ESYT3: variants seen among roughly 807,000 people sequenced by gnomAD.
ESYT3 encodes the protein extended synaptotagmin-3.
A neutral mutation model predicts 111.5 loss-of-function variants in ESYT3; 101 were observed. That is an observed-to-expected ratio of 0.91 (90% CI 0.77 to 1.07). The LOEUF is 1.07. ESYT3 is among the 50% of genes least tolerant of loss of function. The probability of loss-of-function intolerance (pLI) is 0.00; values close to 1 mark genes in which losing one functional copy is unlikely to be tolerated. For missense variants in ESYT3, 1,097 were observed against 1,109.4 expected, an observed-to-expected ratio of 0.99 and a Z score of 0.16; for synonymous variants, 416 against 446.8, an observed-to-expected ratio of 0.93 and a Z score of 0.87.
chr3:138,474,519 G>A, intron 20 of ESYT3, 167 bp downstream of exon 20: 2 of 693,138 alleles, frequency 2.9e-6, no homozygotes, highest in South Asian at 3.6e-5. Flanking sequence ...GGAAAATGGA[G>A]TGCCAGAGAA....
rs2033385719 is a variant in ESYT3, at chr3:138,474,329, C to G, written c.2445C>G (p.Thr815=). The G allele has an allele frequency of 2.5e-6, 4 of 1,598,650 alleles. No homozygotes were observed. Among genetic ancestry groups the G allele is most frequent in the Non-Finnish European group, 3.4e-6 (4 of 1,176,144 alleles). ...CRKKTSVKRK[T]LEPLFDETFE... is the part of the protein sequence containing the mutation. Reference sequence around the variant, plus strand: ...AGAAGACTTCAGTGAAGCGGAAGACCTTGGAACCCCTGTTTGATGAGACGT... The same window carrying G: ...AGAAGACTTCAGTGAAGCGGAAGACGTTGGAACCCCTGTTTGATGAGACGT... Residue 815 remains threonine, a synonymous_variant, in exon 20 of 23, where the codon ACC becomes ACG. Coordinates refer to ENST00000389567, the MANE Select transcript of ESYT3 (RefSeq NM_031913.5).
chr3:138,461,739 C>T (rs1276044380), intron 7 of ESYT3, among the ~76,000 whole-genome samples: 6 of 152,190 alleles, frequency 3.9e-5, no homozygotes, highest in Admixed American at 6.5e-5. Flanking sequence ...GAGAGGTTAG[C>T]GACTTGCCAA....
chr3:138,460,797 T>C, intron 7 of ESYT3, 131 bp downstream of exon 7: 1 of 1,058,716 alleles, frequency 9.4e-7, no homozygotes, highest in Non-Finnish European at 1.4e-6. Flanking sequence ...GAAGCATTGG[T>C]CTGTTTGGAG....
At chr3:138,467,222 G>A (rs1010438039) in intron 10 of ESYT3, among the ~76,000 whole-genome samples, 2 of 152,082 alleles carry the variant, frequency 1.3e-5, no homozygotes, top group Admixed American at 6.5e-5. Context: ...GCAATGCATG[G>A]GTAGTTTTGC....
rs1366530130 is a variant in ESYT3 at position 138,470,068 on chromosome 3, C to T, written c.1512C>T (p.Pro504=). 2 of 1,612,648 alleles carry T rather than the reference C, an allele frequency of 1.2e-6. No homozygotes were observed. Among genetic ancestry groups the T allele is most frequent in the South Asian group, 2.2e-5 (2 of 90,984 alleles). ...CCCTCTTCTGTTCCCAGACCTGTCC[C>T]CACAACAAGGACCCTGTGTGGAGCC... ...GKKTHTSKTC[P]HNKDPVWSQV... is the part of the protein sequence containing the mutation. The change falls in exon 16 of 23, where the codon CCC becomes CCT. Residue 504 remains proline (P), a synonymous_variant. Transcript: ENST00000389567.
At chr3:138,472,974 T>G (rs2033308728) in intron 18 of ESYT3, 115 bp downstream of exon 18, 1 of 1,516,122 alleles carries the variant, frequency 6.6e-7, no homozygotes, top group Non-Finnish European at 8.8e-7. Flanking sequence ...TCACAAAATA[T>G]CTTCCTAAGA....
intron 1 of ESYT3, among the ~76,000 whole-genome samples, chr3:138,449,841 C>CTTCA (rs978955591): frequency 4.9e-4 from 75 of 152,326 alleles, no homozygotes; most frequent in African/African-American, 1.8e-3. Flanking sequence ...AAGGGCCATG[C>CTTCA]TTCATTCATT....
At chr3:138,449,117 C>T (rs1359316486) in intron 1 of ESYT3, among the ~76,000 whole-genome samples, 2 of 131,396 alleles carry the variant, frequency 1.5e-5, no homozygotes, top group African/African-American at 3.1e-5. Flanking sequence ...TGGAGTCTTG[C>T]TCTGTGGCCC....
In ESYT3 at chr3:138,464,509, G is replaced by GT. The variant is rs1560234849; in HGVS notation, c.1083dup (p.Glu362Ter). The GT allele has an allele frequency of 6.2e-7, 1 of 1,614,022 alleles. No individual in the cohort carries two copies. The highest frequency in any genetic ancestry group is 1.1e-5 in the South Asian group (1 of 91,072). ...ACCTGAACCCCACCTGGAACGAAGTGTTTGAGGTAAGGGTCTCCTTGGCTG... is the reference window on the plus strand; with the variant it reads ...ACCTGAACCCCACCTGGAACGAAGTGTTTTGAGGTAAGGGTCTCCTTGGCTG... On this transcript the variant is annotated frameshift_variant, in exon 9 of 23. Coordinates refer to ENST00000389567, the MANE Select transcript of ESYT3 (RefSeq NM_031913.5). LOFTEE classifies it high-confidence loss of function.
intron 8 of ESYT3, among the ~76,000 whole-genome samples, chr3:138,463,120 A>C (rs1210133049): frequency 6.6e-6 from 1 of 151,082 alleles, no homozygotes; most frequent in East Asian, 2.0e-4. Flanking sequence ...GGTGGCGGGG[A>C]GTCTTGCTCT....
At chr3:138,456,710 A>C (rs1408714899) in intron 3 of ESYT3, among the ~76,000 whole-genome samples, 2 of 152,180 alleles carry the variant, frequency 1.3e-5, no homozygotes, top group Non-Finnish European at 2.9e-5. Flanking sequence ...CTAATGCCTG[A>C]TGATCTGAGG....
chr3:138,465,610 A>C (rs1385072715), intron 10 of ESYT3, among the ~76,000 whole-genome samples, 189 bp downstream of exon 10: 1 of 152,170 alleles, frequency 6.6e-6, no homozygotes, highest in African/African-American at 2.4e-5. Context: ...ATGTCTCCCA[A>C]GTGCCCAGCC....
In ESYT3 at chr3:138,435,499, G is replaced by T. The variant is rs114418377; in HGVS notation, c.327+374G>T. ...AAGGCATTTCTTCCACCCGCCTGTT[G>T]ATTCAGAGAACGAACGCCGGACGCA... On this transcript the variant is annotated intron_variant, in intron 1 of 22. Coordinates refer to ENST00000389567, the MANE Select transcript of ESYT3 (RefSeq NM_031913.5). The surrounding 1 kb of genome is among the most constrained non-coding windows in gnomAD (Gnocchi z 4.8). Among the ~76,000 whole-genome samples the T allele has an allele frequency of 8.2e-4, 125 of 152,340 alleles. No individual in the cohort carries two copies. Among genetic ancestry groups the T allele is most frequent in the African/African-American group, 2.9e-3 (119 of 41,566 alleles).
intron 4 of ESYT3, among the ~76,000 whole-genome samples, chr3:138,458,556 G>A (rs1164778988): frequency 1.3e-5 from 2 of 152,254 alleles, no homozygotes; most frequent in Non-Finnish European, 1.5e-5. Context: ...TGTGCTGGCT[G>A]CCCCTCTCCC....
At chr3:138,476,078 G>T in intron 20 of ESYT3, 145 bp from the exon 21 acceptor site, 1 of 619,476 alleles carries the variant, frequency 1.6e-6, no homozygotes. Flanking sequence ...ATGATACATC[G>T]TGAGTAGTTA....
In ESYT3 at chr3:138,476,874, TC is replaced by T. The variant is rs2033510616; in HGVS notation, c.*21del. ...AGCTGATGATGAGAATTCTTATCAC[TC>T]ACCTTTATATTAAAATGTATATATA... On this transcript the variant is annotated 3_prime_UTR_variant, in exon 23 of 23. Coordinates refer to ENST00000389567, the MANE Select transcript of ESYT3 (RefSeq NM_031913.5). 1 of 1,606,080 alleles carries T rather than the reference TC, an allele frequency of 6.2e-7. No individual in the cohort carries two copies. Among genetic ancestry groups the T allele is most frequent in the Non-Finnish European group, 8.5e-7 (1 of 1,173,020 alleles).
chr3:138,480,766 G>C (rs749857145), downstream of ESYT3: 1 of 152,190 alleles, frequency 6.6e-6, no homozygotes, highest in East Asian at 1.9e-4. Flanking sequence ...TCAACAGGTT[G>C]TGTGTGTAAC....
rs1042282731 is a variant in ESYT3, at chr3:138,478,503, T to TATC, written c.*1652_*1654dup. 2.6e-5 allele frequency: 4 copies of TATC among 152,222 alleles called. No homozygotes were observed. The highest frequency in any genetic ancestry group is 9.7e-5 in the African/African-American group (4 of 41,448). 9.4% of individuals were successfully genotyped at this position (152,222 alleles called of 1,614,324 possible). A position where few individuals can be genotyped will look rare whatever the true frequency, so the allele number is the denominator to read the frequency against. ...GAAGCACCAGAGAAATAAGGGAATG[T>TATC]ATCATATGTACATCGAAACATTAGC... On this transcript the variant is annotated 3_prime_UTR_variant, in exon 23 of 23. Coordinates refer to ENST00000389567, the MANE Select transcript of ESYT3 (RefSeq NM_031913.5).
chr3:138,478,351 G>A lies in ESYT3; in HGVS notation c.*1497G>A, dbSNP rs2033580851. ...ACATAGAAGATGCATGGTGAAATTC[G>A]TTTCTGCTGAGGTTTCTATTTTAAA... On this transcript the variant is annotated 3_prime_UTR_variant, in exon 23 of 23. Transcript: ENST00000389567. 6.6e-6 allele frequency: 1 copy of A among 152,082 alleles called. No individual in the cohort carries two copies. The highest frequency in any genetic ancestry group is 1.5e-5 in the Non-Finnish European group (1 of 68,016). 9.4% of individuals were successfully genotyped at this position (152,082 alleles called of 1,614,324 possible). A position where few individuals can be genotyped will look rare whatever the true frequency, so the allele number is the denominator to read the frequency against.
Sources: allele counts gnomAD v4.1 joint callset (sites outside exome capture counted in the v4.1 genomes callset), GRCh38; gene constraint gnomAD v4.1.1; non-coding constraint Gnocchi (gnomAD v3.1); transcripts MANE v1.5; gene names NCBI Gene and HGNC (gene_info 2026-07-23, HGNC 2026-07-21).